The following MARK1 variants were observed in gnomAD, a reference collection of about 807,000 sequenced individuals.
The protein encoded by MARK1 is microtubule affinity regulating kinase 1, also known as serine/threonine-protein kinase MARK1.
A neutral mutation model predicts 96.3 loss-of-function variants in MARK1; 40 were observed. That is an observed-to-expected ratio of 0.42 (90% CI 0.32 to 0.54). MARK1 has a LOEUF of 0.54. Among genes scored for constraint, MARK1 ranks in the 20% least tolerant of loss-of-function variants. The pLI is 0.16. For synonymous variants in MARK1, 317 were observed against 341.2 expected (o/e 0.93, Z 0.78); for missense variants, 719 against 984.6 (o/e 0.73, Z 3.61).
intron 6 of MARK1, among the ~76,000 whole-genome samples, chr1:220,615,051 C>T (rs1364130724): frequency 6.6e-6 from 1 of 152,086 alleles, no homozygotes; most frequent in Non-Finnish European, 1.5e-5. Flanking sequence ...TTCTGATGTA[C>T]ATTAAAATGA....
intron 9 of MARK1, among the ~76,000 whole-genome samples, chr1:220,629,600 A>G (rs1667555832): frequency 6.6e-6 from 1 of 152,100 alleles, no homozygotes; most frequent in Non-Finnish European, 1.5e-5. Context: ...CATTGAACAA[A>G]TCACCATTTC....
rs1359525151 is a variant in MARK1, at chr1:220,618,553, G to C, written c.789+7G>C. ...CGATGGCCAGAATTTAAAGGTATCA[G>C]CTAAATTCTTTATTAATGTTTTATC... On this transcript the variant is annotated splice_region_variant and intron_variant, in intron 8 of 17. Transcript: ENST00000366917. The surrounding 1 kb of genome is among the most constrained non-coding windows in gnomAD (Gnocchi z 4.6). 6.2e-7 allele frequency: 1 copy of C among 1,612,736 alleles called. No homozygotes were observed. Among genetic ancestry groups the C allele is most frequent in the Admixed American group, 1.7e-5 (1 of 59,936 alleles).
intron 1 of MARK1, among the ~76,000 whole-genome samples, chr1:220,568,698 G>A (rs1025595422): frequency 2.6e-5 from 4 of 152,090 alleles, no homozygotes; most frequent in African/African-American, 9.7e-5. Context: ...TGTGTCTTGT[G>A]TAACCTTCTG....
At position 220,618,249 on chromosome 1, in the gene MARK1, T is replaced by A; in HGVS notation, c.553-61T>A. On this transcript the variant is annotated intron_variant, in intron 7 of 17. Transcript: ENST00000366917. The surrounding 1 kb of genome is among the most constrained non-coding windows in gnomAD (Gnocchi z 4.6). ...GTAAGTTTGGAAGCTAAAACTCTTT[T>A]ACAAATATTTTTATTTTATGTAGGC... The A allele has an allele frequency of 9.1e-7, 1 of 1,096,998 alleles. No homozygotes were observed. Among genetic ancestry groups the A allele is most frequent in the Non-Finnish European group, 1.4e-6 (1 of 735,986 alleles). The allele number at this position is 1,096,998 out of a possible 1,614,324, so 68.0% of individuals were successfully genotyped here.
At chr1:220,544,768 T>G (rs1890107) in intron 1 of MARK1, among the ~76,000 whole-genome samples, 142,985 of 152,242 alleles carry the variant, frequency 0.94, 67,853 homozygotes, top group East Asian at 1. Context: ...AAATTATAGT[T>G]AACTACCTGT....
intron 13 of MARK1, among the ~76,000 whole-genome samples, chr1:220,647,799 A>T (rs1260762716): frequency 6.6e-6 from 1 of 152,228 alleles, no homozygotes; most frequent in Non-Finnish European, 1.5e-5. Context: ...AGGAACAGAA[A>T]ACCAACACCA....
intron 6 of MARK1, among the ~76,000 whole-genome samples, chr1:220,613,022 G>A (rs1666542381): frequency 6.6e-6 from 1 of 152,102 alleles, no homozygotes; most frequent in Non-Finnish European, 1.5e-5. Flanking sequence ...CCACCTCAAT[G>A]GAAAACACTG....
At chr1:220,644,591 T>G (rs940633003) in intron 13 of MARK1, among the ~76,000 whole-genome samples, 1 of 151,668 alleles carries the variant, frequency 6.6e-6, no homozygotes, top group Non-Finnish European at 1.5e-5. Context: ...CTGATAGATA[T>G]CTGCAGAACT....
chr1:220,576,968 A>T (rs189203390), intron 1 of MARK1, among the ~76,000 whole-genome samples: 9 of 152,122 alleles, frequency 5.9e-5, no homozygotes, highest in Admixed American at 1.3e-4. Flanking sequence ...TAAATCTTGA[A>T]AGATGAATGG....
At chr1:220,529,050 A>G (rs1201316571) in intron 1 of MARK1, among the ~76,000 whole-genome samples, 177 bp downstream of exon 1, 3 of 151,878 alleles carry the variant, frequency 2.0e-5, no homozygotes, top group African/African-American at 7.3e-5. Flanking sequence ...TTCCAACCCC[A>G]TTTCGCTTGT....
intron 1 of MARK1, chr1:220,576,881 T>A (rs1292272529): frequency 6.6e-6 from 1 of 152,150 alleles, no homozygotes; most frequent in Admixed American, 6.5e-5. Flanking sequence ...ATATTGGGTA[T>A]ATAGGTAGCA....
intron 13 of MARK1, among the ~76,000 whole-genome samples, chr1:220,647,006 T>A (rs1388701282): frequency 1.3e-5 from 2 of 152,212 alleles, no homozygotes; most frequent in African/African-American, 4.8e-5. Flanking sequence ...AAAGATTGTA[T>A]GATGAAATCG....
At position 220,662,223 on chromosome 1, in the gene MARK1, T is replaced by C. The variant is rs543299560; in HGVS notation, c.*57T>C. 412 of 1,322,504 alleles carry C rather than the reference T, an allele frequency of 3.1e-4. 5 individuals carry two copies. The South Asian group carries it at 5.2e-3, about 17-fold the overall frequency. The allele number at this position is 1,322,504 out of a possible 1,614,324, so 81.9% of individuals were successfully genotyped here. A position where few individuals can be genotyped will look rare whatever the true frequency, so the allele number is the denominator to read the frequency against. On this transcript the variant is annotated 3_prime_UTR_variant, in exon 18 of 18. Transcript: ENST00000366917. ...ACATACATATATGAGGTACAGTTTT[T>C]GAATGTACTGGTAATGCCTAATGTG...
At chr1:220,630,244 T>C (rs1667596777) in intron 9 of MARK1, among the ~76,000 whole-genome samples, 2 of 152,230 alleles carry the variant, frequency 1.3e-5, no homozygotes, top group Admixed American at 6.5e-5. Context: ...CACTTATGTA[T>C]CTTTTTTGGA....
rs1420914601 is a variant in MARK1, at chr1:220,662,392, A to C, written c.*226A>C. Reference sequence around the variant, plus strand: ...TAGGTTCACATGTACAGGTAAGTATATTGTGTATTTCTGTTCATTTTCTGT... The same window carrying C: ...TAGGTTCACATGTACAGGTAAGTATCTTGTGTATTTCTGTTCATTTTCTGT... On this transcript the variant is annotated 3_prime_UTR_variant, in exon 18 of 18. Transcript: ENST00000366917. 6.2e-6 allele frequency: 3 copies of C among 484,984 alleles called. No individual in the cohort carries two copies. The highest frequency in any genetic ancestry group is 1.1e-5 in the Non-Finnish European group (3 of 272,998). The allele number at this position is 484,984 out of a possible 1,614,324, so 30.0% of individuals were successfully genotyped here. A position where few individuals can be genotyped will look rare whatever the true frequency, so the allele number is the denominator to read the frequency against.
intron 1 of MARK1, among the ~76,000 whole-genome samples, chr1:220,545,439 G>GGT (rs1336101056): frequency 4.6e-5 from 4 of 87,262 alleles, no homozygotes; most frequent in African/African-American, 1.8e-4. Context: ...CTTTCTCATG[G>GGT]TTTTTTTTTT....
At chr1:220,603,270 C>T (rs1374937212) in intron 5 of MARK1, among the ~76,000 whole-genome samples, 1 of 151,800 alleles carries the variant, frequency 6.6e-6, no homozygotes, top group South Asian at 2.1e-4. Context: ...TAGTTTTAAG[C>T]TATTACTAAC....
intron 16 of MARK1, among the ~76,000 whole-genome samples, chr1:220,655,655 A>G (rs1669129429): frequency 6.6e-6 from 1 of 152,144 alleles, no homozygotes; most frequent in South Asian, 2.1e-4. Context: ...CACTGCCTTC[A>G]TACTCTGAAC....
At chr1:220,641,787 G>T (rs187064697) in intron 13 of MARK1, among the ~76,000 whole-genome samples, 6 of 152,092 alleles carry the variant, frequency 3.9e-5, no homozygotes, top group Non-Finnish European at 7.4e-5. Flanking sequence ...CGGCAGGGGT[G>T]GGGGTGGGCG....
Sources: gnomAD v4.1 joint callset for allele counts (sites outside exome capture counted in the v4.1 genomes callset) on GRCh38, gnomAD v4.1.1 for gene constraint, Gnocchi (gnomAD v3.1) non-coding constraint, MANE v1.5 for transcripts, NCBI Gene and HGNC (gene_info 2026-07-23, HGNC 2026-07-21) for gene names.